Variants in ZMIZ1 observed in about 807,000 individuals in gnomAD.
ZMIZ1 encodes zinc finger MIZ-type containing 1, also known as zinc finger MIZ domain-containing protein 1.
ZMIZ1 carries 17 observed loss-of-function variants against 113.9 expected under a neutral mutation model. The observed-to-expected ratio is 0.15, with a 90% confidence interval of 0.10 to 0.22. The LOEUF (loss-of-function observed/expected upper bound fraction) is 0.22. Ranked by LOEUF, ZMIZ1 falls within the 10% of genes least tolerant of loss-of-function variation. The pLI, the probability that ZMIZ1 is intolerant of heterozygous loss-of-function variation, is 1.00. For missense variants in ZMIZ1, 1,059 were observed against 1,477.8 expected (o/e 0.72, Z 4.65); for synonymous variants, 607 against 603.1 (o/e 1.01, Z -0.09).
intron 3 of ZMIZ1, among the ~76,000 whole-genome samples, chr10:79,140,374 A>T (rs1354324066): frequency 6.6e-6 from 1 of 152,224 alleles, no homozygotes; most frequent in Non-Finnish European, 1.5e-5. Flanking sequence ...GGTGCCTGCC[A>T]GGGATCACAC....
At chr10:79,267,468 G>T (rs1851676700) in intron 7 of ZMIZ1, among the ~76,000 whole-genome samples, 1 of 152,222 alleles carries the variant, frequency 6.6e-6, no homozygotes, top group Non-Finnish European at 1.5e-5. Flanking sequence ...TACATGCCTG[G>T]TATTGTACCA....
At chr10:79,273,019 G>A (rs1036367392) in intron 7 of ZMIZ1, among the ~76,000 whole-genome samples, 2 of 152,326 alleles carry the variant, frequency 1.3e-5, no homozygotes, top group Middle Eastern at 3.4e-3. Flanking sequence ...CAGTTTCTGG[G>A]GTGCCTGTAC....
chr10:79,141,492 C>T (rs1387534130), intron 3 of ZMIZ1, among the ~76,000 whole-genome samples: 2 of 152,036 alleles, frequency 1.3e-5, no homozygotes, highest in Admixed American at 6.6e-5. Context: ...ACTGTAACCT[C>T]GACCTCCCCA....
intron 4 of ZMIZ1, among the ~76,000 whole-genome samples, chr10:79,185,247 C>G (rs1414172510): frequency 6.6e-6 from 1 of 152,202 alleles, no homozygotes; most frequent in East Asian, 1.9e-4. Context: ...CCCCCCTCCC[C>G]CCGAAATGAG....
At chr10:79,223,019 G>A (rs1849044333) in intron 7 of ZMIZ1, among the ~76,000 whole-genome samples, 1 of 152,156 alleles carries the variant, frequency 6.6e-6, no homozygotes, top group African/African-American at 2.4e-5. Context: ...GTGGTGGTGG[G>A]GACATTCCTG....
rs538755831 is a variant in ZMIZ1 at position 79,213,855 on chromosome 10, A to G, written c.175-2314A>G. On this transcript the variant is annotated intron_variant, in intron 6 of 24. Transcript: ENST00000334512. ...CCTCATCTGTAAATCAGAGATAATA[A>G]TAATAATACCTATCTCGTGGAGCTG... 2.6e-5 allele frequency among the ~76,000 whole-genome samples: 4 copies of G among 152,294 alleles called. No homozygotes were observed. The South Asian group carries it at 8.3e-4, about 32-fold the overall frequency.
intron 1 of ZMIZ1, among the ~76,000 whole-genome samples, chr10:79,085,303 C>T (rs1282504088): frequency 1.3e-5 from 2 of 152,138 alleles, no homozygotes; most frequent in Non-Finnish European, 2.9e-5. Flanking sequence ...GCACCAGTCA[C>T]CAGGGCTCGG....
At chr10:79,135,484 C>T (rs1240260367) in intron 2 of ZMIZ1, among the ~76,000 whole-genome samples, 2 of 152,260 alleles carry the variant, frequency 1.3e-5, no homozygotes, top group Admixed American at 6.5e-5. Context: ...CCACCAGTTG[C>T]GAGTGTGTCA....
At position 79,074,416 on chromosome 10, in the gene ZMIZ1, C is replaced by T. The variant is rs1297972671; in HGVS notation, c.-337+5146C>T. ...GTCTTCCCCCTCCCATATGGCAGCA[C>T]ATGGTCCATGCCCCCAGTAGCTGTG... On this transcript the variant is annotated intron_variant, in intron 1 of 24. Transcript: ENST00000334512. Among the ~76,000 whole-genome samples, 8 of 152,354 alleles carry T rather than the reference C, an allele frequency of 5.3e-5. No homozygotes were observed. The East Asian group carries it at 1.5e-3, about 29-fold the overall frequency.
At chr10:79,245,438 G>A (rs1850134395) in intron 7 of ZMIZ1, among the ~76,000 whole-genome samples, 1 of 152,234 alleles carries the variant, frequency 6.6e-6, no homozygotes, top group African/African-American at 2.4e-5. Context: ...GTGCCTGGCG[G>A]ATGGTGGGTG....
intron 8 of ZMIZ1, among the ~76,000 whole-genome samples, chr10:79,281,922 G>A (rs997271020): frequency 1.3e-5 from 2 of 152,188 alleles, no homozygotes; most frequent in Admixed American, 6.5e-5. Context: ...GTGGTATCTC[G>A]TTGTTAACCC....
At chr10:79,157,824 G>A (rs1362840844) in intron 3 of ZMIZ1, among the ~76,000 whole-genome samples, 1 of 152,192 alleles carries the variant, frequency 6.6e-6, no homozygotes, top group Non-Finnish European at 1.5e-5. Context: ...GGGGAGGACA[G>A]GGGCCTGTCC....
chr10:79,102,338 C>T (rs1843395423), intron 1 of ZMIZ1, among the ~76,000 whole-genome samples: 1 of 152,246 alleles, frequency 6.6e-6, no homozygotes, highest in South Asian at 2.1e-4. Context: ...GTGGGCGCAG[C>T]AGCGTGACCT....
intron 4 of ZMIZ1, among the ~76,000 whole-genome samples, chr10:79,191,218 C>T (rs1179695974): frequency 3.3e-5 from 5 of 152,102 alleles, no homozygotes; most frequent in African/African-American, 1.2e-4. Context: ...AATCCTGCCC[C>T]TATTTGGAGC....
At chr10:79,097,405 G>T (rs530929517) in intron 1 of ZMIZ1, among the ~76,000 whole-genome samples, 5 of 152,210 alleles carry the variant, frequency 3.3e-5, no homozygotes, top group African/African-American at 1.2e-4. Flanking sequence ...GGGTGCAAGG[G>T]CTGTCACCAG....
intron 1 of ZMIZ1, among the ~76,000 whole-genome samples, chr10:79,102,815 G>A (rs986284379): frequency 9.8e-5 from 15 of 152,338 alleles, no homozygotes; most frequent in Admixed American, 7.8e-4. Context: ...GGGAGTTGAG[G>A]GGGTGATGGT....
chr10:79,231,118 G>A (rs947583445), intron 7 of ZMIZ1, among the ~76,000 whole-genome samples: 2 of 152,226 alleles, frequency 1.3e-5, no homozygotes, highest in Non-Finnish European at 2.9e-5. Flanking sequence ...AGATACAGAA[G>A]TGATCAGGGG....
At chr10:79,094,914 A>C (rs572563756) in intron 1 of ZMIZ1, among the ~76,000 whole-genome samples, 3 of 152,140 alleles carry the variant, frequency 2.0e-5, no homozygotes, top group Admixed American at 2.0e-4. Context: ...GCGCCACTGC[A>C]GTCCAGCCTG....
At chr10:79,290,744 G>T in intron 9 of ZMIZ1, 1 of 703,368 alleles carries the variant, frequency 1.4e-6, no homozygotes. Flanking sequence ...TCCATCACAA[G>T]GCTGACGTTC....
Sources: gnomAD v4.1 joint callset for allele counts (sites outside exome capture counted in the v4.1 genomes callset) on GRCh38, gnomAD v4.1.1 for gene constraint, MANE v1.5 for transcripts, NCBI Gene and HGNC (gene_info 2026-07-23, HGNC 2026-07-21) for gene names.